The following HSPA4 variants were observed in gnomAD, a reference collection of about 807,000 sequenced individuals.
HSPA4 encodes the protein heat shock protein family A (Hsp70) member 4.
Under a neutral mutation model 106.2 loss-of-function variants are expected in HSPA4, and 25 were observed. The observed-to-expected ratio is 0.24, with a 90% CI of 0.17 to 0.33. The LOEUF is 0.33. HSPA4 is among the 10% of genes least tolerant of loss of function. The probability of loss-of-function intolerance (pLI) is 1.00; values close to 1 mark genes in which losing one functional copy is unlikely to be tolerated. For missense variants in HSPA4, 841 were observed against 996.0 expected (o/e 0.84, Z 2.10); for synonymous variants, 332 against 333.6 (o/e 1.00, Z 0.05).
intron 1 of HSPA4, among the ~76,000 whole-genome samples, chr5:133,058,375 A>G (rs1313265116): frequency 1.3e-5 from 2 of 152,122 alleles, no homozygotes; most frequent in East Asian, 3.9e-4. Flanking sequence ...AGTGAGAACC[A>G]TCTCTTAAAA....
intron 7 of HSPA4, among the ~76,000 whole-genome samples, chr5:133,082,155 TGAAA>T (rs1208891102): frequency 6.6e-6 from 1 of 152,190 alleles, no homozygotes; most frequent in Non-Finnish European, 1.5e-5. Flanking sequence ...TTCACGCTGC[TGAAA>T]GAAGTCACAA....
intron 1 of HSPA4, among the ~76,000 whole-genome samples, chr5:133,060,047 G>T (rs996585960): frequency 2.0e-5 from 3 of 147,292 alleles, no homozygotes; most frequent in Admixed American, 6.8e-5. Context: ...GAAGCAAACT[G>T]ATTGTGGTAT....
At position 133,089,289 on chromosome 5, in the gene HSPA4, A is replaced by G. The variant is rs542350899; in HGVS notation, c.1244+128A>G. The G allele has an allele frequency of 4.0e-4, 249 of 616,598 alleles. No individual in the cohort carries two copies. The East Asian group carries it at 5.7e-3, about 14-fold the overall frequency. 38.2% of individuals were successfully genotyped at this position (616,598 alleles called of 1,614,324 possible). A position where few individuals can be genotyped will look rare whatever the true frequency, so the allele number is the denominator to read the frequency against. Reference sequence around the variant, plus strand: ...ATCATAGTGCATGAAGGAAGTGGTCATTTATTTTAGTCAGAATAAATTTGT... The same window carrying G: ...ATCATAGTGCATGAAGGAAGTGGTCGTTTATTTTAGTCAGAATAAATTTGT... On this transcript the variant is annotated intron_variant, in intron 10 of 18. Transcript: ENST00000304858.
rs780635947 is a variant in HSPA4 at position 133,073,342 on chromosome 5, G to A, written c.529+13G>A. 7.9e-6 allele frequency: 12 copies of A among 1,523,526 alleles called. No individual in the cohort carries two copies. The highest frequency in any genetic ancestry group is 3.7e-5 in the Admixed American group (2 of 54,278). 94.4% of individuals were successfully genotyped at this position (1,523,526 alleles called of 1,614,324 possible). A position where few individuals can be genotyped will look rare whatever the true frequency, so the allele number is the denominator to read the frequency against. ...GAAACCACTGCAGGTAAGGAGGACC[G>A]TTGATTATTTTTTTGACTTGGTTAA... On this transcript the variant is annotated intron_variant, in intron 5 of 18. Coordinates refer to ENST00000304858, the MANE Select transcript of HSPA4 (RefSeq NM_002154.4).
At chr5:133,083,378 A>G (rs1272270274) in intron 7 of HSPA4, among the ~76,000 whole-genome samples, 4 of 152,112 alleles carry the variant, frequency 2.6e-5, no homozygotes, top group Non-Finnish European at 4.4e-5. Context: ...GCTTTTCACA[A>G]TTTTGATTTC....
At position 133,098,470 on chromosome 5, in the gene HSPA4, C is replaced by T. The variant is rs13190254; in HGVS notation, c.1930-1075C>T. Among the ~76,000 whole-genome samples the T allele has an allele frequency of 4.6e-3, 658 of 144,476 alleles. 2 individuals carry two copies. The highest frequency in any genetic ancestry group is 7.5e-3 in the Non-Finnish European group (499 of 66,910). The allele number at this position is 144,476 out of a possible 152,430, so 94.8% of individuals were successfully genotyped here. ...GGGAGTACAGGTGCCTGCTACCACG[C>T]CTGGCTAATTTTTTTTTTTTTTGTA... On this transcript the variant is annotated intron_variant, in intron 15 of 18. Transcript: ENST00000304858.
At chr5:133,064,925 T>C in intron 1 of HSPA4, 55 bp from the exon 2 acceptor site, 1 of 1,450,516 alleles carries the variant, frequency 6.9e-7, no homozygotes, top group Non-Finnish European at 9.6e-7. Flanking sequence ...TGCTATGCTT[T>C]TGGATTTATT....
Position 133,052,250 on chromosome 5 carries a change from C to G in HSPA4, c.-1C>G, listed in dbSNP as rs779221915. On this transcript the variant is annotated 5_prime_UTR_variant, in exon 1 of 19. Coordinates refer to ENST00000304858, the MANE Select transcript of HSPA4 (RefSeq NM_002154.4). ...CCCGAGCCCGAGCAGTAGCCGGCGCCATGTCGGTGGTGGGCATAGACCTGG... is the reference window on the plus strand; with the variant it reads ...CCCGAGCCCGAGCAGTAGCCGGCGCGATGTCGGTGGTGGGCATAGACCTGG... 4.2e-5 allele frequency: 66 copies of G among 1,584,604 alleles called. No homozygotes were observed. The highest frequency in any genetic ancestry group is 4.8e-5 in the Non-Finnish European group (56 of 1,169,106).
intron 2 of HSPA4, 50 bp from the exon 3 acceptor site, chr5:133,067,365 TAA>T: frequency 1.5e-6 from 2 of 1,347,912 alleles, no homozygotes; most frequent in Non-Finnish European, 1.0e-6. Flanking sequence ...GCTGTTGAAA[TAA>T]AAAAAAAATT....
rs751582115 is a variant in HSPA4, at chr5:133,103,992, T to C, written c.2285T>C (p.Val762Ala). 38 of 1,613,506 alleles carry C rather than the reference T, an allele frequency of 2.4e-5. No individual in the cohort carries two copies. Among genetic ancestry groups the C allele is most frequent in the Non-Finnish European group, 3.1e-5 (37 of 1,179,848 alleles). ...QNKQSLTMDP[V>A]VKSKEIEAKI... ...AAGCAGAGTTTGACCATGGATCCAG[T>C]TGTCAAGTCAAAAGAGATTGAAGCT... The change falls in exon 18 of 19, where the codon GTT (valine) becomes GCT (alanine). Residue 762 changes from valine (V) to alanine (A), a missense_variant. By Grantham distance (64) the Val-to-Ala change is moderately conservative. Transcript: ENST00000304858.
chr5:133,077,418 A>G (rs1044413682), intron 7 of HSPA4, among the ~76,000 whole-genome samples: 5 of 152,136 alleles, frequency 3.3e-5, no homozygotes, highest in African/African-American at 1.2e-4. Flanking sequence ...TTGTATTTTT[A>G]GTAGGGACGG....
At chr5:133,085,134 TA>T (rs148140242) in intron 7 of HSPA4, among the ~76,000 whole-genome samples, 3,345 of 151,642 alleles carry the variant, frequency 0.022, 126 homozygotes, top group African/African-American at 0.074. Flanking sequence ...TTCAGCGATT[TA>T]AAAAAAAATT....
chr5:133,072,212 A>G (rs916526607), intron 4 of HSPA4, among the ~76,000 whole-genome samples: 1 of 152,088 alleles, frequency 6.6e-6, no homozygotes, highest in Non-Finnish European at 1.5e-5. Flanking sequence ...GCTAAGATTT[A>G]TTGTAGTGAA....
chr5:133,066,072 G>A (rs2126697438), intron 2 of HSPA4, among the ~76,000 whole-genome samples: 1 of 152,264 alleles, frequency 6.6e-6, no homozygotes, highest in East Asian at 1.9e-4. Flanking sequence ...AGAAAATATT[G>A]GGCCATTTTG....
chr5:133,060,737 A>G (rs1388604625), intron 1 of HSPA4, among the ~76,000 whole-genome samples: 1 of 149,826 alleles, frequency 6.7e-6, no homozygotes, highest in Non-Finnish European at 1.5e-5. Context: ...TGGAAGTAGG[A>G]CTTTTTTTTA....
At chr5:133,093,706 G>A (rs1392762144) in intron 13 of HSPA4, among the ~76,000 whole-genome samples, 1 of 152,070 alleles carries the variant, frequency 6.6e-6, no homozygotes, top group Non-Finnish European at 1.5e-5. Flanking sequence ...GGCCAGGCTG[G>A]TGTTGAACTC....
At chr5:133,069,008 A>G (rs1460989545) in intron 3 of HSPA4, among the ~76,000 whole-genome samples, 1 of 152,170 alleles carries the variant, frequency 6.6e-6, no homozygotes, top group African/African-American at 2.4e-5. Flanking sequence ...AAACCATAAT[A>G]AATTGTGGTT....
chr5:133,101,902 C>T (rs766171966), intron 17 of HSPA4, 24 bp downstream of exon 17: 139 of 1,191,018 alleles, frequency 1.2e-4, no homozygotes, highest in African/African-American at 1.0e-3. Flanking sequence ...TTGTCCTACT[C>T]TTATTTTAGT....
intron 15 of HSPA4, among the ~76,000 whole-genome samples, chr5:133,098,495 A>AT (rs1461192460): frequency 3.1e-4 from 41 of 132,548 alleles, no homozygotes; most frequent in African/African-American, 4.8e-4. Flanking sequence ...TTTTTTTTGT[A>AT]TTTTTTTTTA....
Sources: allele counts gnomAD v4.1 joint callset (sites outside exome capture counted in the v4.1 genomes callset), GRCh38; gene constraint gnomAD v4.1.1; transcripts MANE v1.5; gene names NCBI Gene and HGNC (gene_info 2026-07-23, HGNC 2026-07-21).